KCNT2: variants seen among roughly 807,000 people sequenced by gnomAD.
KCNT2 encodes the protein potassium sodium-activated channel subfamily T member 2.
Under a neutral mutation model 153.8 loss-of-function variants are expected in KCNT2, and 67 were observed. That is an observed-to-expected ratio of 0.44 (90% CI 0.36 to 0.53). KCNT2 has a LOEUF of 0.53. Ranked by LOEUF, KCNT2 falls within the 20% of genes least tolerant of loss-of-function variation. The pLI is 0.00. For missense variants in KCNT2, 975 were observed against 1,354.8 expected (o/e 0.72, Z 4.40); for synonymous variants, 500 against 458.8 (o/e 1.09, Z -1.15).
intron 22 of KCNT2, among the ~76,000 whole-genome samples, chr1:196,292,474 G>A (rs1455871352): frequency 6.6e-6 from 1 of 152,164 alleles, no homozygotes; most frequent in East Asian, 1.9e-4. Flanking sequence ...TCTGGCCAGA[G>A]CAATCAGACA....
chr1:196,539,646 G>T (rs1392940379), intron 1 of KCNT2, among the ~76,000 whole-genome samples: 1 of 151,978 alleles, frequency 6.6e-6, no homozygotes, highest in Non-Finnish European at 1.5e-5. Flanking sequence ...TAACTTGACA[G>T]TCATTAAATA....
Position 196,231,100 on chromosome 1 carries a change from T to C in KCNT2, c.3297-2765A>G, listed in dbSNP as rs538911360. Among the ~76,000 whole-genome samples, 14 of 151,970 alleles carry C rather than the reference T, an allele frequency of 9.2e-5. No individual in the cohort carries two copies. In the South Asian group the frequency reaches 1.7e-3, roughly 18 times the overall value. On this transcript the variant is annotated intron_variant, in intron 27 of 27. Coordinates refer to ENST00000294725, the MANE Select transcript of KCNT2 (RefSeq NM_198503.5). Reference sequence around the variant, plus strand: ...CCCAATCTGTCAGCAGCCATCAACATTGAGGCAAGACTCTCTACCGGCAAA... The same window carrying C: ...CCCAATCTGTCAGCAGCCATCAACACTGAGGCAAGACTCTCTACCGGCAAA...
chr1:196,602,526 C>G (rs1360584144), intron 1 of KCNT2, among the ~76,000 whole-genome samples: 18 of 151,930 alleles, frequency 1.2e-4, no homozygotes, highest in Admixed American at 1.2e-3. Flanking sequence ...TAATACATAA[C>G]CAAATGCAGA....
intron 1 of KCNT2, among the ~76,000 whole-genome samples, chr1:196,530,651 T>C (rs1406791431): frequency 3.9e-5 from 6 of 152,086 alleles, no homozygotes; most frequent in Non-Finnish European, 7.4e-5. Context: ...TTTCTAGTAA[T>C]TGTCACTAAT....
intron 12 of KCNT2, among the ~76,000 whole-genome samples, chr1:196,422,775 C>T (rs1396617685): frequency 6.6e-6 from 1 of 151,864 alleles, no homozygotes; most frequent in East Asian, 1.9e-4. Flanking sequence ...ATAAGACATA[C>T]TTAATAAAAA....
intron 14 of KCNT2, among the ~76,000 whole-genome samples, chr1:196,349,207 A>C (rs1314169709): frequency 6.6e-6 from 1 of 152,148 alleles, no homozygotes; most frequent in Non-Finnish European, 1.5e-5. Flanking sequence ...AAAAGGAAAA[A>C]AGCAGTCTAG....
intron 25 of KCNT2, among the ~76,000 whole-genome samples, chr1:196,274,338 A>G (rs1223294581): frequency 6.6e-6 from 1 of 151,656 alleles, no homozygotes; most frequent in Non-Finnish European, 1.5e-5. Flanking sequence ...TAGTGTTAGT[A>G]TTATAAGTAT....
intron 12 of KCNT2, among the ~76,000 whole-genome samples, chr1:196,418,105 T>C (rs957011668): frequency 1.3e-5 from 2 of 152,082 alleles, no homozygotes; most frequent in African/African-American, 2.4e-5. Flanking sequence ...GTTCTAATTG[T>C]CTCTTTTGAC....
At chr1:196,559,542 A>G (rs886945218) in intron 1 of KCNT2, among the ~76,000 whole-genome samples, 2 of 151,744 alleles carry the variant, frequency 1.3e-5, no homozygotes, top group Non-Finnish European at 2.9e-5. Context: ...ATATTGACAA[A>G]TCTTTTTGCA....
intron 15 of KCNT2, 45 bp from the exon 16 acceptor site, chr1:196,340,615 A>G (rs761693212): frequency 1.7e-6 from 2 of 1,160,626 alleles, no homozygotes; most frequent in Non-Finnish European, 2.5e-6. Context: ...TTAGTAAATT[A>G]TTGTAAGGCT....
At chr1:196,490,494 T>C (rs1215644049) in intron 2 of KCNT2, among the ~76,000 whole-genome samples, 1 of 148,014 alleles carries the variant, frequency 6.8e-6, no homozygotes, top group Non-Finnish European at 1.5e-5. Flanking sequence ...TATAATAATA[T>C]ATATTATATA....
rs193219338 is a variant in KCNT2, at chr1:196,431,693, C to T, written c.639-1936G>A. On this transcript the variant is annotated intron_variant, in intron 8 of 27. Coordinates refer to ENST00000294725, the MANE Select transcript of KCNT2 (RefSeq NM_198503.5). ...AAATCTCTAAGCAAAGTGTTCGAGG[C>T]GATGTATTGTGTTTCTTGACTGCTT... is the stretch of plus-strand genomic sequence containing the variant. Among the ~76,000 whole-genome samples the T allele has an allele frequency of 1.3e-4, 20 of 151,908 alleles. No individual in the cohort carries two copies. The East Asian group carries it at 2.9e-3, about 22-fold the overall frequency.
chr1:196,407,555 G>C (rs191685760), intron 12 of KCNT2, among the ~76,000 whole-genome samples: 32 of 151,418 alleles, frequency 2.1e-4, no homozygotes, highest in Admixed American at 1.1e-3. Context: ...CATTTCATTA[G>C]GGAATGACAT....
intron 1 of KCNT2, among the ~76,000 whole-genome samples, chr1:196,585,309 A>C (rs1037007095): frequency 6.6e-6 from 1 of 152,168 alleles, no homozygotes; most frequent in Non-Finnish European, 1.5e-5. Context: ...TACACAAATT[A>C]TCTCTTCAAA....
intron 25 of KCNT2, among the ~76,000 whole-genome samples, chr1:196,262,651 A>G (rs1657136403): frequency 6.6e-6 from 1 of 152,040 alleles, no homozygotes; most frequent in Non-Finnish European, 1.5e-5. Context: ...ATCTAAAGAA[A>G]GATGTTTCAC....
intron 14 of KCNT2, among the ~76,000 whole-genome samples, chr1:196,359,728 A>G (rs1667463547): frequency 6.6e-6 from 1 of 152,064 alleles, no homozygotes; most frequent in Non-Finnish European, 1.5e-5. Flanking sequence ...GAGATTAAAA[A>G]TATTCATGAA....
Position 196,321,372 on chromosome 1 carries a change from A to C in KCNT2, c.2277-1817T>G, listed in dbSNP as rs1322376925. On this transcript the variant is annotated intron_variant, in intron 19 of 27. Transcript: ENST00000294725. ...GTCTTGAGGTCACTGTGGACAAAGT[A>C]AGTCTTGATTTTATGCCAACCCTTC... Among the ~76,000 whole-genome samples the C allele has an allele frequency of 5.3e-5, 8 of 151,786 alleles. No individual in the cohort carries two copies. In the East Asian group the frequency reaches 1.4e-3, roughly 26 times the overall value.
At chr1:196,549,514 T>C (rs769744671) in intron 1 of KCNT2, among the ~76,000 whole-genome samples, 1 of 151,940 alleles carries the variant, frequency 6.6e-6, no homozygotes, top group Non-Finnish European at 1.5e-5. Flanking sequence ...TCACATTTCA[T>C]CTCTGGTCGG....
At chr1:196,391,798 A>T (rs1187354183) in intron 13 of KCNT2, among the ~76,000 whole-genome samples, 1 of 151,368 alleles carries the variant, frequency 6.6e-6, no homozygotes, top group Non-Finnish European at 1.5e-5. Context: ...AAGCTGTGGG[A>T]TGTAGAGGGT....
Sources: allele counts gnomAD v4.1 joint callset (sites outside exome capture counted in the v4.1 genomes callset), GRCh38; gene constraint gnomAD v4.1.1; transcripts MANE v1.5; gene names NCBI Gene and HGNC (gene_info 2026-07-23, HGNC 2026-07-21).